Variants in CALN1 observed in about 807,000 individuals in gnomAD.
CALN1 encodes calneuron 1.
A neutral mutation model predicts 30.6 loss-of-function variants in CALN1; 17 were observed. That is an observed-to-expected ratio of 0.56 (90% CI 0.38 to 0.83). CALN1 has a LOEUF of 0.83. Among genes scored for constraint, CALN1 ranks in the 40% least tolerant of loss-of-function variants. The probability of loss-of-function intolerance (pLI) is 0.00; values close to 1 mark genes in which losing one functional copy is unlikely to be tolerated. For synonymous variants in CALN1, 156 were observed against 131.4 expected (o/e 1.19, Z -1.28); for missense variants, 291 against 354.9 (o/e 0.82, Z 1.45).
intron 1 of CALN1, among the ~76,000 whole-genome samples, chr7:72,444,097 T>A (rs1387140859): frequency 2.0e-5 from 3 of 151,886 alleles, no homozygotes; most frequent in African/African-American, 7.3e-5. Flanking sequence ...TACTCTTTTT[T>A]AATGGATTGA....
chr7:72,236,741 T>C (rs1794495065), intron 3 of CALN1, among the ~76,000 whole-genome samples: 1 of 152,178 alleles, frequency 6.6e-6, no homozygotes, highest in African/African-American at 2.4e-5. Flanking sequence ...AATAAATGTG[T>C]CATTGATTTT....
chr7:72,403,576 CA>C (rs1486297035), intron 1 of CALN1, 134 bp from the exon 2 acceptor site: 2 of 454,770 alleles, frequency 4.4e-6, no homozygotes, highest in South Asian at 6.3e-5. Context: ...AATCCTGGCA[CA>C]AGAAATATAA....
At chr7:72,198,435 C>G (rs1196317080) in intron 3 of CALN1, among the ~76,000 whole-genome samples, 1 of 152,156 alleles carries the variant, frequency 6.6e-6, no homozygotes, top group East Asian at 1.9e-4. Context: ...TCAAGCCATA[C>G]CAGGCTTCTT....
intron 5 of CALN1, among the ~76,000 whole-genome samples, chr7:71,921,871 A>G (rs13225975): frequency 0.088 from 12,111 of 137,018 alleles, 683 homozygotes; most frequent in East Asian, 0.3. Flanking sequence ...CATCCTGGCC[A>G]ACTCAACTCA....
At chr7:71,861,726 C>T (rs1012126505) in intron 5 of CALN1, among the ~76,000 whole-genome samples, 41 of 147,154 alleles carry the variant, frequency 2.8e-4, no homozygotes, top group African/African-American at 1.0e-3. Context: ...CTGCAGTCAG[C>T]CCAGGTCACA....
At chr7:72,258,141 TA>T (rs1229006075) in intron 3 of CALN1, among the ~76,000 whole-genome samples, 5 of 152,112 alleles carry the variant, frequency 3.3e-5, no homozygotes, top group Non-Finnish European at 7.4e-5. Context: ...AAAACTTGCC[TA>T]AGAGCACAGA....
chr7:72,227,197 A>T (rs1482618082), intron 3 of CALN1, among the ~76,000 whole-genome samples: 1 of 151,304 alleles, frequency 6.6e-6, no homozygotes, highest in Non-Finnish European at 1.5e-5. Context: ...CCTTTGTAAC[A>T]AATCTGCACA....
intron 5 of CALN1, among the ~76,000 whole-genome samples, chr7:71,953,498 G>T (rs1461922324): frequency 1.3e-5 from 2 of 152,038 alleles, no homozygotes; most frequent in Non-Finnish European, 2.9e-5. Context: ...TTTATATACT[G>T]TCAAGGCTTT....
At chr7:72,486,939 A>G in the CALN1 span, among the ~76,000 whole-genome samples, 2 of 152,234 alleles carry the variant, frequency 1.3e-5, no homozygotes, top group Non-Finnish European at 2.9e-5. Context: ...TTTTGCTTCC[A>G]TACAAAATTT....
intron 5 of CALN1, among the ~76,000 whole-genome samples, chr7:72,017,564 C>T (rs561622906): frequency 1.8e-4 from 28 of 152,110 alleles, no homozygotes; most frequent in Admixed American, 5.9e-4. Flanking sequence ...CCCTGGACTT[C>T]GTGTGTGCTC....
At chr7:72,402,146 G>A (rs752526044) in intron 2 of CALN1, among the ~76,000 whole-genome samples, 13 of 151,760 alleles carry the variant, frequency 8.6e-5, no homozygotes, top group Admixed American at 2.6e-4. Flanking sequence ...TGCTTCCTCA[G>A]AGGCTAAGAG....
chr7:72,214,794 G>A (rs1217641519), intron 3 of CALN1, among the ~76,000 whole-genome samples: 1 of 152,082 alleles, frequency 6.6e-6, no homozygotes, highest in Non-Finnish European at 1.5e-5. Context: ...TCCACCTCCT[G>A]TCAAATCACT....
At chr7:72,244,714 CCAGA>C (rs1404186400) in intron 3 of CALN1, among the ~76,000 whole-genome samples, 2 of 151,088 alleles carry the variant, frequency 1.3e-5, no homozygotes, top group African/African-American at 4.9e-5. Context: ...AAAGGGCTTC[CCAGA>C]CAGAGAAAAT....
chr7:71,922,889 A>T (rs1562903558), intron 5 of CALN1, among the ~76,000 whole-genome samples: 2 of 100,994 alleles, frequency 2.0e-5, no homozygotes, highest in Non-Finnish European at 4.1e-5. Flanking sequence ...CATATATATT[A>T]ATATATATGT....
At chr7:72,132,461 T>C (rs561881938) in intron 3 of CALN1, among the ~76,000 whole-genome samples, 20 of 152,328 alleles carry the variant, frequency 1.3e-4, no homozygotes, top group East Asian at 3.9e-4. Flanking sequence ...AGTCAAGCCA[T>C]TGGGGACCAT....
At chr7:72,003,905 G>A (rs549011310) in intron 5 of CALN1, among the ~76,000 whole-genome samples, 8 of 152,214 alleles carry the variant, frequency 5.3e-5, no homozygotes, top group South Asian at 2.1e-4. Flanking sequence ...AGGTGATGAC[G>A]CTATTCCTAG....
chr7:71,827,518 C>A (rs1442855790), intron 5 of CALN1, among the ~76,000 whole-genome samples: 1 of 152,104 alleles, frequency 6.6e-6, no homozygotes, highest in Non-Finnish European at 1.5e-5. Flanking sequence ...CGCCTGTAAT[C>A]CCAGCATTTG....
chr7:72,498,941 C>A, the CALN1 span, among the ~76,000 whole-genome samples: 1 of 151,516 alleles, frequency 6.6e-6, no homozygotes, highest in Non-Finnish European at 1.5e-5. Flanking sequence ...CAGACTCATA[C>A]GCAAATAATT....
At chr7:72,037,249 C>T (rs1193439483) in intron 4 of CALN1, among the ~76,000 whole-genome samples, 10 of 152,138 alleles carry the variant, frequency 6.6e-5, no homozygotes, top group Non-Finnish European at 1.3e-4. Context: ...CTCCTGGGTT[C>T]GCACTATTAT....
Sources: allele counts gnomAD v4.1 joint callset (sites outside exome capture counted in the v4.1 genomes callset), GRCh38; gene constraint gnomAD v4.1.1; transcripts MANE v1.5; gene names NCBI Gene and HGNC (gene_info 2026-07-23, HGNC 2026-07-21).